HEATR5A: variants seen among roughly 807,000 people sequenced by gnomAD.
The protein encoded by HEATR5A is HEAT repeat-containing protein 5A.
A neutral mutation model predicts 218.8 loss-of-function variants in HEATR5A; 178 were observed. That is an observed-to-expected ratio of 0.81 (90% CI 0.72 to 0.92). The LOEUF is 0.92. Ranked by LOEUF, HEATR5A falls within the 40% of genes least tolerant of loss-of-function variation. The pLI is 0.00. For synonymous variants in HEATR5A, 864 were observed against 871.6 expected (o/e 0.99, Z 0.15); for missense variants, 2,420 against 2,418.9 (o/e 1.00, Z -0.01).
chr14:31,389,110 A>G, intron 6 of HEATR5A, 105 bp from the exon 7 acceptor site: 1 of 1,101,776 alleles, frequency 9.1e-7, no homozygotes, highest in Non-Finnish European at 1.3e-6. Flanking sequence ...TAAACTAAAA[A>G]TTCAAACAAA....
intron 6 of HEATR5A, among the ~76,000 whole-genome samples, chr14:31,389,805 T>C (rs1242729447): frequency 6.6e-6 from 1 of 152,182 alleles, no homozygotes; most frequent in Admixed American, 6.5e-5. Context: ...AATGAAAATC[T>C]AACTTGGCAT....
Position 31,347,825 on chromosome 14 carries a change from T to G in HEATR5A, c.2791A>C (p.Ser931Arg). 1 of 1,606,450 alleles carries G rather than the reference T, an allele frequency of 6.2e-7. No individual in the cohort carries two copies. Among genetic ancestry groups the G allele is most frequent in the Non-Finnish European group, 8.5e-7 (1 of 1,176,086 alleles). ...CAAGAATTTAGGTGTTGAGAAGAACTTATTCCTCCTAAATACCTATGTAGG... is the reference window on the plus strand; with the variant it reads ...CAAGAATTTAGGTGTTGAGAAGAACGTATTCCTCCTAAATACCTATGTAGG... ...GSLHRYLGGI[S>R]SSQHLNSCIG... Residue 931 changes from serine to arginine, a missense_variant, in exon 19 of 36, where the codon AGT becomes CGT. Physicochemically the swap from Ser to Arg is moderately radical, Grantham distance 110. Coordinates refer to ENST00000543095, the MANE Select transcript of HEATR5A (RefSeq NM_015473.4).
chr14:31,342,061 T>G (rs764122488), intron 21 of HEATR5A, among the ~76,000 whole-genome samples: 1 of 152,136 alleles, frequency 6.6e-6, no homozygotes, highest in Non-Finnish European at 1.5e-5. Flanking sequence ...GAACAAAAGT[T>G]TCTATCAGAA....
rs1037752779 is a variant in HEATR5A at position 31,302,227 on chromosome 14, T to G, written c.5464+68A>C. On this transcript the variant is annotated intron_variant, in intron 33 of 35. Coordinates refer to ENST00000543095, the MANE Select transcript of HEATR5A (RefSeq NM_015473.4). ...CCAAATATGATCAAGTAAAATATCT[T>G]ATCCTCAAAAAACTCTTCTTCTCAC... is the stretch of plus-strand genomic sequence containing the variant. 5 of 1,116,270 alleles carry G rather than the reference T, an allele frequency of 4.5e-6. No homozygotes were observed. The African/African-American group carries it at 7.8e-5, about 17-fold the overall frequency. The allele number at this position is 1,116,270 out of a possible 1,614,324, so 69.1% of individuals were successfully genotyped here.
At chr14:31,299,354 C>T (rs999853803) in intron 33 of HEATR5A, among the ~76,000 whole-genome samples, 1 of 152,196 alleles carries the variant, frequency 6.6e-6, no homozygotes, top group Non-Finnish European at 1.5e-5. Flanking sequence ...CACAGTTTGG[C>T]TTTCTTCTTT....
chr14:31,403,840 A>G (rs74776258), intron 1 of HEATR5A, among the ~76,000 whole-genome samples: 1,574 of 152,332 alleles, frequency 0.01, 24 homozygotes, highest in African/African-American at 0.035. Context: ...CACGCAGCAT[A>G]TAAGTGTATG....
chr14:31,391,453 T>C (rs1478140416), intron 6 of HEATR5A, among the ~76,000 whole-genome samples: 1 of 152,186 alleles, frequency 6.6e-6, no homozygotes, highest in African/African-American at 2.4e-5. Context: ...AATGTTATTA[T>C]AAAAATATTC....
chr14:31,373,328 C>CTT (rs762521678), intron 12 of HEATR5A, among the ~76,000 whole-genome samples: 7 of 141,918 alleles, frequency 4.9e-5, no homozygotes, highest in African/African-American at 5.2e-5. Flanking sequence ...TGAAACATTA[C>CTT]TTTTTTTTTT....
At chr14:31,368,172 CT>C (rs916065095) in intron 13 of HEATR5A, among the ~76,000 whole-genome samples, 9 of 150,186 alleles carry the variant, frequency 6.0e-5, no homozygotes, top group East Asian at 1.9e-4. Context: ...GAGTTTGGCC[CT>C]TTTTTTTTGC....
intron 25 of HEATR5A, among the ~76,000 whole-genome samples, chr14:31,319,569 G>T (rs552064647): frequency 1.2e-3 from 179 of 152,208 alleles, no homozygotes; most frequent in Middle Eastern, 6.8e-3. Flanking sequence ...GAACTGCTCT[G>T]GTCTCCCTAA....
chr14:31,358,669 C>T lies in HEATR5A; in HGVS notation c.2379G>A (p.Gly793=). ...SVISSASKLF[G]VVCAHVGETQ... is the part of the protein sequence containing the mutation. ...TTTCTCCCACATGAGCGCATACAAC[C>T]CCAAAGAGCTTGGATGCAGAACTAA... Residue 793 remains glycine (G), a synonymous_variant, in exon 16 of 36, where the codon GGG becomes GGA. Transcript: ENST00000543095. 2 of 1,613,764 alleles carry T rather than the reference C, an allele frequency of 1.2e-6. No individual in the cohort carries two copies. The highest frequency in any genetic ancestry group is 1.7e-6 in the Non-Finnish European group (2 of 1,179,812).
intron 22 of HEATR5A, among the ~76,000 whole-genome samples, chr14:31,336,451 A>T (rs1900674631): frequency 6.6e-6 from 1 of 151,610 alleles, no homozygotes; most frequent in African/African-American, 2.4e-5. Context: ...AGCCTCACAA[A>T]GTGCTTAAGA....
chr14:31,390,110 G>C (rs1019915750), intron 6 of HEATR5A, among the ~76,000 whole-genome samples: 4 of 152,138 alleles, frequency 2.6e-5, no homozygotes, highest in Non-Finnish European at 5.9e-5. Context: ...TCTAGGCAGA[G>C]GAAATGGCTA....
intron 8 of HEATR5A, 113 bp from the exon 9 acceptor site, chr14:31,386,688 T>C: frequency 1.2e-6 from 1 of 840,130 alleles, no homozygotes; most frequent in Non-Finnish European, 1.8e-6. Context: ...ACTTGATCTA[T>C]ATGAAATACT....
intron 16 of HEATR5A, among the ~76,000 whole-genome samples, chr14:31,355,077 T>C (rs1165803251): frequency 6.6e-6 from 1 of 152,204 alleles, no homozygotes; most frequent in African/African-American, 2.4e-5. Flanking sequence ...GGTGAATTAA[T>C]CAACTCATTC....
intron 14 of HEATR5A, among the ~76,000 whole-genome samples, chr14:31,363,693 A>G (rs1901705616): frequency 6.6e-6 from 1 of 152,180 alleles, no homozygotes; most frequent in South Asian, 2.1e-4. Flanking sequence ...AAAAAAAAGT[A>G]TTTTAGGCTG....
In HEATR5A at chr14:31,337,614, C is replaced by T. The variant is rs1272701936; in HGVS notation, c.3229G>A (p.Val1077Met). 4 of 1,599,076 alleles carry T rather than the reference C, an allele frequency of 2.5e-6. No individual in the cohort carries two copies. In the Admixed American group the frequency reaches 5.2e-5, roughly 21 times the overall value. Residue 1077 changes from valine to methionine, a missense_variant and splice_region_variant, in exon 22 of 36, where the codon GTG (valine) becomes ATG (methionine). Physicochemically the swap from Val to Met is conservative, Grantham distance 21 (BLOSUM62 1). Coordinates refer to ENST00000543095, the MANE Select transcript of HEATR5A (RefSeq NM_015473.4). The part of the protein sequence containing the change: ...NLSSLVSCLC[V>M]NLCSPYLLLR... ...AACAAGTAGGGGCTACAAAGATTCA[C>T]CTGAAAAATACCATTTGAGGAACGA...
At chr14:31,411,900 G>GGCTAGAGT (rs1415150047) in intron 1 of HEATR5A, among the ~76,000 whole-genome samples, 1 of 151,886 alleles carries the variant, frequency 6.6e-6, no homozygotes, top group African/African-American at 2.4e-5. Context: ...CTCTTGCCCA[G>GGCTAGAGT]GCTAGAGTGC....
At chr14:31,346,133 C>T (rs960738012) in intron 19 of HEATR5A, among the ~76,000 whole-genome samples, 1 of 152,132 alleles carries the variant, frequency 6.6e-6, no homozygotes, top group African/African-American at 2.4e-5. Context: ...AGAAAGCTTA[C>T]AGTACTTTAA....
Sources: allele counts gnomAD v4.1 joint callset (sites outside exome capture counted in the v4.1 genomes callset), GRCh38; gene constraint gnomAD v4.1.1; transcripts MANE v1.5; gene names NCBI Gene and HGNC (gene_info 2026-07-23, HGNC 2026-07-21).